Variants in GAS7 observed in about 807,000 individuals in gnomAD.
The protein encoded by GAS7 is growth arrest specific 7, also known as growth arrest-specific protein 7.
A neutral mutation model predicts 71.1 loss-of-function variants in GAS7; 28 were observed. That is an observed-to-expected ratio of 0.39 (90% CI 0.29 to 0.54). GAS7 has a LOEUF of 0.54. Ranked by LOEUF, GAS7 falls within the 20% of genes least tolerant of loss-of-function variation. The pLI, the probability that GAS7 is intolerant of heterozygous loss-of-function variation, is 0.62. For missense variants in GAS7, 436 were observed against 627.8 expected, an observed-to-expected ratio of 0.69 and a Z score of 3.27; for synonymous variants, 258 against 245.8, an observed-to-expected ratio of 1.05 and a Z score of -0.46.
intron 1 of GAS7, among the ~76,000 whole-genome samples, chr17:10,027,881 T>TTTTG (rs747365660): frequency 6.6e-6 from 1 of 152,116 alleles, no homozygotes; most frequent in Admixed American, 6.5e-5. Context: ...AATAAAGGTT[T>TTTTG]TTTGTTTGTT....
rs746980607 is a variant in GAS7, at chr17:10,197,491, T to C, written c.183+717A>G. On this transcript the variant is annotated intron_variant, in intron 1 of 13. Transcript: ENST00000432992. ...AGTGATTAGAGGACAGCCTGTCACA[T>C]AGACAATAAACAGCCAGCCGCCTTG... Among the ~76,000 whole-genome samples the C allele has an allele frequency of 2.0e-4, 31 of 152,244 alleles. 1 individual carries two copies. The highest frequency in any genetic ancestry group is 4.0e-4 in the Non-Finnish European group (27 of 68,016).
chr17:10,034,964 T>A lies in GAS7; in HGVS notation c.184-15067A>T, dbSNP rs909096866. ...TGGATGCACCAAAGGCGGGTTCCAG[T>A]GGAATTTTTCTGGGCCTGTTAGCAG... On this transcript the variant is annotated intron_variant, in intron 1 of 13. Transcript: ENST00000432992. The surrounding 1 kb of genome is among the most constrained non-coding windows in gnomAD (Gnocchi z 4.4). Among the ~76,000 whole-genome samples, 1 of 152,104 alleles carries A rather than the reference T, an allele frequency of 6.6e-6. No individual in the cohort carries two copies. The highest frequency in any genetic ancestry group is 1.5e-5 in the Non-Finnish European group (1 of 68,016).
rs1406095556 is a variant in GAS7 at position 9,994,312 on chromosome 17, G to T, written c.305-12428C>A. 2.7e-5 allele frequency among the ~76,000 whole-genome samples: 4 copies of T among 149,398 alleles called. No homozygotes were observed. In the South Asian group the frequency reaches 8.5e-4, roughly 32 times the overall value. ...AAGGCTACAGTAACCAAAACAGCATGGTACTGGTACCAAAACAGAGATATA... is the reference window on the plus strand; with the variant it reads ...AAGGCTACAGTAACCAAAACAGCATTGTACTGGTACCAAAACAGAGATATA... On this transcript the variant is annotated intron_variant, in intron 2 of 13. Transcript: ENST00000432992.
intron 1 of GAS7, among the ~76,000 whole-genome samples, chr17:10,149,349 C>T (rs573895647): frequency 2.4e-4 from 36 of 152,150 alleles, no homozygotes; most frequent in Admixed American, 6.6e-4. Flanking sequence ...TTGATCCACC[C>T]GCCTTGGCCT....
In GAS7 at chr17:10,046,848, A is replaced by AAGGAAGGAAGGAAGGAAG. The variant is rs1567567297; in HGVS notation, c.184-26952_184-26951insCTTCCTTCCTTCCTTCCT. On this transcript the variant is annotated intron_variant, in intron 1 of 13. Coordinates refer to ENST00000432992, the MANE Select transcript of GAS7 (RefSeq NM_201433.2). ...AGGAAGGAAGGAAGGAAGGAAGGAA[A>AAGGAAGGAAGGAAGGAAG]GAAAAGAAAAGAAAAAAGAAAAGAA... 8.0e-5 allele frequency among the ~76,000 whole-genome samples: 10 copies of AAGGAAGGAAGGAAGGAAG among 124,242 alleles called. 2 individuals carry two copies. Among genetic ancestry groups the AAGGAAGGAAGGAAGGAAG allele is most frequent in the African/African-American group, 3.0e-4 (9 of 29,794 alleles). 81.5% of individuals were successfully genotyped at this position (124,242 alleles called of 152,430 possible). A position where few individuals can be genotyped will look rare whatever the true frequency, so the allele number is the denominator to read the frequency against.
intron 1 of GAS7, among the ~76,000 whole-genome samples, chr17:10,185,788 A>G (rs990312384): frequency 6.6e-6 from 1 of 152,184 alleles, no homozygotes; most frequent in African/African-American, 2.4e-5. Flanking sequence ...TGTCCACTGA[A>G]GAACCCGCCT....
At chr17:10,171,609 G>C (rs982385626) in intron 1 of GAS7, among the ~76,000 whole-genome samples, 17 of 152,156 alleles carry the variant, frequency 1.1e-4, no homozygotes, top group African/African-American at 4.1e-4. Flanking sequence ...AATGCATAAG[G>C]ATTCATTTCC....
At chr17:9,927,598 G>C (rs927379466) in intron 9 of GAS7, among the ~76,000 whole-genome samples, 39 of 151,814 alleles carry the variant, frequency 2.6e-4, no homozygotes, top group African/African-American at 2.4e-5. Context: ...CTTATTTTCC[G>C]AACTGAGAGC....
At chr17:10,124,896 T>TG (rs1385675478) in intron 1 of GAS7, among the ~76,000 whole-genome samples, 2 of 151,866 alleles carry the variant, frequency 1.3e-5, no homozygotes, top group Non-Finnish European at 2.9e-5. Flanking sequence ...TCAGCCTGGG[T>TG]GACAGAGTGA....
chr17:10,065,321 A>T (rs1018135064), intron 1 of GAS7, among the ~76,000 whole-genome samples: 1 of 152,156 alleles, frequency 6.6e-6, no homozygotes, highest in Non-Finnish European at 1.5e-5. Flanking sequence ...CCACTATAAC[A>T]CTTGGTGTCT....
At chr17:10,018,756 T>C (rs543384924) in intron 2 of GAS7, among the ~76,000 whole-genome samples, 1 of 152,178 alleles carries the variant, frequency 6.6e-6, no homozygotes, top group East Asian at 1.9e-4. Context: ...CTTATAAACA[T>C]CAGCTGTAGT....
At chr17:10,046,206 C>A (rs571215395) in intron 1 of GAS7, among the ~76,000 whole-genome samples, 6 of 152,146 alleles carry the variant, frequency 3.9e-5, no homozygotes, top group African/African-American at 1.4e-4. Context: ...GAACACGGTA[C>A]CCGGCGTGTG....
chr17:10,043,328 T>C (rs1002227831), intron 1 of GAS7, among the ~76,000 whole-genome samples: 1 of 152,066 alleles, frequency 6.6e-6, no homozygotes, highest in Non-Finnish European at 1.5e-5. Context: ...GAATGAACGA[T>C]GTGAGTTCTG....
rs189173874 is a variant in GAS7, at chr17:9,973,557, A to G, written c.386-3795T>C. Among the ~76,000 whole-genome samples the G allele has an allele frequency of 1.2e-4, 19 of 152,340 alleles. 1 individual carries two copies. The highest frequency in any genetic ancestry group is 1.2e-3 in the Admixed American group (18 of 15,302). ...GCATGAGCCACCGTGCTGTACTTAT[A>G]GTAGAAACTTTTTAAATGCAAGAAC... is the stretch of plus-strand genomic sequence containing the variant. On this transcript the variant is annotated intron_variant, in intron 3 of 13. Coordinates refer to ENST00000432992, the MANE Select transcript of GAS7 (RefSeq NM_201433.2).
intron 1 of GAS7, among the ~76,000 whole-genome samples, chr17:10,148,817 G>A (rs957555065): frequency 4.0e-5 from 6 of 150,286 alleles, no homozygotes; most frequent in South Asian, 2.1e-4. Context: ...GGCTGAGGCA[G>A]GAGAATGGCA....
chr17:10,122,731 T>C (rs1252366751), intron 1 of GAS7, among the ~76,000 whole-genome samples: 1 of 152,216 alleles, frequency 6.6e-6, no homozygotes, highest in Non-Finnish European at 1.5e-5. Context: ...TACAATTAAC[T>C]GAAATATCTA....
intron 1 of GAS7, among the ~76,000 whole-genome samples, chr17:10,029,001 A>G (rs946623723): frequency 6.6e-6 from 1 of 152,224 alleles, no homozygotes. Context: ...ATGGGGAGGA[A>G]AGTTCCAGAG....
chr17:10,179,239 G>A (rs916969777), intron 1 of GAS7, among the ~76,000 whole-genome samples: 2 of 151,942 alleles, frequency 1.3e-5, no homozygotes, highest in Non-Finnish European at 2.9e-5. Flanking sequence ...TGAGGCAGGA[G>A]AATCGCTTGA....
chr17:9,965,950 C>A (rs575312674), intron 4 of GAS7, among the ~76,000 whole-genome samples: 2 of 151,492 alleles, frequency 1.3e-5, no homozygotes, highest in African/African-American at 4.9e-5. Flanking sequence ...TACTGGTGTC[C>A]GTGGAAAGTC....
Sources: allele counts gnomAD v4.1 joint callset (sites outside exome capture counted in the v4.1 genomes callset), GRCh38; gene constraint gnomAD v4.1.1; non-coding constraint Gnocchi (gnomAD v3.1); transcripts MANE v1.5; gene names NCBI Gene and HGNC (gene_info 2026-07-23, HGNC 2026-07-21).